Variants in ZBTB26 observed in about 807,000 individuals in gnomAD.
ZBTB26 encodes zinc finger and BTB domain containing 26.
ZBTB26 carries 12 observed loss-of-function variants against 31.6 expected under a neutral mutation model. The ratio of observed to expected loss-of-function variants is 0.38; its 90% CI spans 0.24 to 0.61. The LOEUF (loss-of-function observed/expected upper bound fraction) is 0.61. Ranked by LOEUF, ZBTB26 falls within the 20% of genes least tolerant of loss-of-function variation. The probability of loss-of-function intolerance (pLI) is 0.60; values close to 1 mark genes in which losing one functional copy is unlikely to be tolerated. For missense variants in ZBTB26, 311 were observed against 521.9 expected (o/e 0.60, Z 3.94); for synonymous variants, 155 against 182.9 (o/e 0.85, Z 1.23).
chr9:122,917,056 G>A lies in ZBTB26; in HGVS notation c.*1553C>T, dbSNP rs1833025129. On this transcript the variant is annotated 3_prime_UTR_variant, in exon 2 of 2. Transcript: ENST00000373656. The stretch of plus-strand genomic sequence containing the variant: ...CCTAGCAAATCACTCACTTGGATGG[G>A]AAGAATATAATATTCATCTAACTAA... 1.3e-5 allele frequency: 2 copies of A among 152,108 alleles called. No homozygotes were observed. The highest frequency in any genetic ancestry group is 2.9e-5 in the Non-Finnish European group (2 of 68,016). The allele number at this position is 152,108 out of a possible 1,614,324, so 9.4% of individuals were successfully genotyped here.
intron 1 of ZBTB26, among the ~76,000 whole-genome samples, chr9:122,930,638 C>T (rs1386516018): frequency 6.6e-6 from 1 of 152,184 alleles, no homozygotes; most frequent in Non-Finnish European, 1.5e-5. Flanking sequence ...TTACACCATT[C>T]ACCATCTGGA....
chr9:122,919,321 G>T lies in ZBTB26; in HGVS notation c.614C>A (p.Ser205Tyr). 3 of 1,614,188 alleles carry T rather than the reference G, an allele frequency of 1.9e-6. No homozygotes were observed. Among genetic ancestry groups the T allele is most frequent in the Non-Finnish European group, 2.5e-6 (3 of 1,180,028 alleles). Reference sequence around the variant, plus strand: ...TGAATGTAAAGCAGTGGGTTCAGAAGAAATAAACTGGTTCTGATCTTTTTT... The same window carrying T: ...TGAATGTAAAGCAGTGGGTTCAGAATAAATAAACTGGTTCTGATCTTTTTT... Reference protein sequence around the residue: ...RSKKDQNQFISSEPTALHSSE... With the variant: ...RSKKDQNQFIYSEPTALHSSE... Residue 205 changes from serine to tyrosine, a missense_variant, in exon 2 of 2, where the codon TCT (serine) becomes TAT (tyrosine). Around this residue, in one of 5 missense-constraint regions of ZBTB26, gnomAD observed 207 missense variants for 298.6 expected, o/e 0.69. Transcript: ENST00000373656. This position sits in a 1 kb window ranked among gnomAD's most constrained non-coding sequence, Gnocchi z 6.1.
At chr9:122,925,395 A>G (rs1236757534) in intron 1 of ZBTB26, among the ~76,000 whole-genome samples, 1 of 152,130 alleles carries the variant, frequency 6.6e-6, no homozygotes, top group Non-Finnish European at 1.5e-5. Context: ...AAATAAATAA[A>G]TTGACCCATT....
At chr9:122,925,843 C>G (rs2131540637) in intron 1 of ZBTB26, among the ~76,000 whole-genome samples, 1 of 151,344 alleles carries the variant, frequency 6.6e-6, no homozygotes, top group African/African-American at 2.4e-5. Flanking sequence ...TTGCCGCAAC[C>G]TCCACCTCCC....
intron 1 of ZBTB26, among the ~76,000 whole-genome samples, chr9:122,928,378 G>A (rs1833215658): frequency 2.0e-5 from 3 of 151,690 alleles, no homozygotes; most frequent in African/African-American, 4.9e-5. Flanking sequence ...TCGGCTCACC[G>A]CAACCTCAGC....
chr9:122,925,369 C>CAATAAATA lies in ZBTB26; in HGVS notation c.-10-5433_-10-5426dup, dbSNP rs547513744. ...TGGGTGAAAGAGCCAGATCCTATCA[C>CAATAAATA]AATAAATAAATAAATAAATAAATAA... On this transcript the variant is annotated intron_variant, in intron 1 of 1. Coordinates refer to ENST00000373656, the MANE Select transcript of ZBTB26 (RefSeq NM_020924.4). Among the ~76,000 whole-genome samples the CAATAAATA allele has an allele frequency of 5.9e-5, 9 of 151,884 alleles. No homozygotes were observed. In the South Asian group the frequency reaches 8.3e-4, roughly 14 times the overall value.
At chr9:122,925,855 G>A (rs1833169869) in intron 1 of ZBTB26, among the ~76,000 whole-genome samples, 1 of 150,930 alleles carries the variant, frequency 6.6e-6, no homozygotes, top group African/African-American at 2.4e-5. Flanking sequence ...CCACCTCCCG[G>A]ATTCAAGTGA....
Position 122,919,434 on chromosome 9 carries a change from A to T in ZBTB26, c.501T>A (p.His167Gln), listed in dbSNP as rs774443788. 1.2e-5 allele frequency: 19 copies of T among 1,614,068 alleles called. No homozygotes were observed. The highest frequency in any genetic ancestry group is 1.6e-5 in the Non-Finnish European group (19 of 1,180,032). ...CCATATCCATACTGTCTTCAGATGG[A>T]TGAATACAAGGTGAGTCCTGCTTTG... is the stretch of plus-strand genomic sequence containing the variant. ...GSPKQDSPCI[H>Q]PSEDSMDMED... Residue 167 changes from histidine (H) to glutamine (Q), a missense_variant, in exon 2 of 2, where the codon CAT (histidine) becomes CAA (glutamine). His to Gln is a conservative substitution (Grantham distance 24, BLOSUM62 0). Coordinates refer to ENST00000373656, the MANE Select transcript of ZBTB26 (RefSeq NM_020924.4). The surrounding 1 kb of genome is among the most constrained non-coding windows in gnomAD (Gnocchi z 6.1).
Position 122,919,279 on chromosome 9 carries a change from G to C in ZBTB26, c.656C>G (p.Ser219Cys). The C allele has an allele frequency of 6.2e-7, 1 of 1,614,200 alleles. No homozygotes were observed. The highest frequency in any genetic ancestry group is 8.5e-7 in the Non-Finnish European group (1 of 1,180,032). Residue 219 changes from serine to cysteine, a missense_variant, in exon 2 of 2, where the codon TCC (serine) becomes TGC (cysteine). Around this residue, in one of 5 missense-constraint regions of ZBTB26, gnomAD observed 207 missense variants for 298.6 expected, o/e 0.69. Transcript: ENST00000373656. This position sits in a 1 kb window ranked among gnomAD's most constrained non-coding sequence, Gnocchi z 6.1. ...GTTTTCCACAGTTGAATTTATCAGG[G>C]AGTGCTGGGGCTCTGATGAATGTAA... is the stretch of plus-strand genomic sequence containing the variant. Reference protein sequence around the residue: ...TALHSSEPQHSLINSTVENRV... With the variant: ...TALHSSEPQHCLINSTVENRV...
intron 1 of ZBTB26, among the ~76,000 whole-genome samples, chr9:122,923,748 T>G (rs1265843453): frequency 6.6e-6 from 1 of 152,230 alleles, no homozygotes; most frequent in Non-Finnish European, 1.5e-5. Context: ...TTTAGACAAC[T>G]ATCCTCAGAG....
rs1833037377 is a variant in ZBTB26, at chr9:122,917,989, G to A, written c.*620C>T. The A allele has an allele frequency of 6.5e-6, 1 of 152,812 alleles. No individual in the cohort carries two copies. Among genetic ancestry groups the A allele is most frequent in the African/African-American group, 2.4e-5 (1 of 41,436 alleles). 9.5% of individuals were successfully genotyped at this position (152,812 alleles called of 1,614,324 possible). A position where few individuals can be genotyped will look rare whatever the true frequency, so the allele number is the denominator to read the frequency against. ...GTGTTCCTCAAGAGAGAGTACTCTG[G>A]TATATGTGAACAATTCAATGAGATG... On this transcript the variant is annotated 3_prime_UTR_variant, in exon 2 of 2. Coordinates refer to ENST00000373656, the MANE Select transcript of ZBTB26 (RefSeq NM_020924.4).
intron 1 of ZBTB26, among the ~76,000 whole-genome samples, chr9:122,929,786 T>C (rs1272321037): frequency 1.3e-5 from 2 of 152,194 alleles, no homozygotes; most frequent in Non-Finnish European, 2.9e-5. Context: ...AATTGCTTTT[T>C]AAAAGGTCAC....
At chr9:122,928,189 G>A (rs949576967) in intron 1 of ZBTB26, among the ~76,000 whole-genome samples, 2 of 152,080 alleles carry the variant, frequency 1.3e-5, no homozygotes, top group Non-Finnish European at 2.9e-5. Flanking sequence ...AAAGTATAAC[G>A]TAATTAAGTT....
At chr9:122,930,224 T>C (rs1036318664) in intron 1 of ZBTB26, among the ~76,000 whole-genome samples, 1 of 151,644 alleles carries the variant, frequency 6.6e-6, no homozygotes, top group Admixed American at 6.6e-5. Flanking sequence ...AATGAATTCA[T>C]AATCTACACT....
chr9:122,924,605 C>A (rs745861068), intron 1 of ZBTB26, among the ~76,000 whole-genome samples: 2 of 139,960 alleles, frequency 1.4e-5, no homozygotes, highest in South Asian at 4.5e-4. Flanking sequence ...AATATAAAAC[C>A]AAATTTCAAC....
chr9:122,925,007 A>G (rs1833156374), intron 1 of ZBTB26, among the ~76,000 whole-genome samples: 1 of 152,160 alleles, frequency 6.6e-6, no homozygotes, highest in African/African-American at 2.4e-5. Flanking sequence ...AACCATCTTA[A>G]TTTTATTTAA....
At chr9:122,925,298 C>G (rs926685354) in intron 1 of ZBTB26, among the ~76,000 whole-genome samples, 2 of 152,020 alleles carry the variant, frequency 1.3e-5, no homozygotes, top group Non-Finnish European at 2.9e-5. Flanking sequence ...CTTGAGCCCA[C>G]GAGGCAGACG....
rs1833010988 is a variant in ZBTB26 at position 122,915,784 on chromosome 9, C to CA, written c.*2824_*2825insT. 1 of 152,198 alleles carries CA rather than the reference C, an allele frequency of 6.6e-6. No individual in the cohort carries two copies. The highest frequency in any genetic ancestry group is 2.4e-5 in the African/African-American group (1 of 41,460). The allele number at this position is 152,198 out of a possible 1,614,324, so 9.4% of individuals were successfully genotyped here. On this transcript the variant is annotated 3_prime_UTR_variant, in exon 2 of 2. Coordinates refer to ENST00000373656, the MANE Select transcript of ZBTB26 (RefSeq NM_020924.4). The stretch of plus-strand genomic sequence containing the variant: ...TTAAATTAAAATCATATCTGATTTA[C>CA]CTCAGAGCCACTTCAGTTTGGAGTT...
Position 122,916,055 on chromosome 9 carries a change from A to T in ZBTB26, c.*2554T>A, listed in dbSNP as rs1040577318. 6.6e-6 allele frequency: 1 copy of T among 152,244 alleles called. No individual in the cohort carries two copies. The highest frequency in any genetic ancestry group is 2.4e-5 in the African/African-American group (1 of 41,476). 9.4% of individuals were successfully genotyped at this position (152,244 alleles called of 1,614,324 possible). On this transcript the variant is annotated 3_prime_UTR_variant, in exon 2 of 2. Transcript: ENST00000373656. ...TATAATCTAACAAACACGTATAAGC[A>T]AAGAAGGAGGAAAGTGAAGTTCCAC...
Sources: gnomAD v4.1 joint callset for allele counts (sites outside exome capture counted in the v4.1 genomes callset) on GRCh38, gnomAD v4.1.1 for gene constraint, gnomAD v4.1.1 regional missense constraint, Gnocchi (gnomAD v3.1) non-coding constraint, MANE v1.5 for transcripts, NCBI Gene and HGNC (gene_info 2026-07-23, HGNC 2026-07-21) for gene names.